Variants in ELF2 observed in about 807,000 individuals in gnomAD.
The protein encoded by ELF2 is E74 like ETS transcription factor 2, also known as ETS-related transcription factor Elf-2.
Under a neutral mutation model 54.8 loss-of-function variants are expected in ELF2, and 11 were observed. The ratio of observed to expected loss-of-function variants is 0.20; its 90% confidence interval spans 0.13 to 0.33. The LOEUF (loss-of-function observed/expected upper bound fraction) is 0.33. Among genes scored for constraint, ELF2 ranks in the 10% least tolerant of loss-of-function variants. ELF2 has a pLI of 1.00. For synonymous variants in ELF2, 203 were observed against 245.1 expected (o/e 0.83, Z 1.61); for missense variants, 513 against 703.0 (o/e 0.73, Z 3.06).
intron 4 of ELF2, among the ~76,000 whole-genome samples, chr4:139,077,258 T>C (rs1730437960): frequency 6.6e-6 from 1 of 152,210 alleles, no homozygotes; most frequent in South Asian, 2.1e-4. Context: ...CAAAATGCTT[T>C]AATGAGCACT....
chr4:139,167,395 T>C (rs2148911131), intron 1 of ELF2, among the ~76,000 whole-genome samples: 1 of 152,330 alleles, frequency 6.6e-6, no homozygotes, highest in East Asian at 1.9e-4. Context: ...TCTTGAAGGG[T>C]TTATAAATCT....
chr4:139,141,301 G>A (rs544409273), intron 1 of ELF2, among the ~76,000 whole-genome samples: 1 of 152,212 alleles, frequency 6.6e-6, no homozygotes, highest in South Asian at 2.1e-4. Context: ...TGTTACGTAG[G>A]GACATAGGAA....
intron 4 of ELF2, among the ~76,000 whole-genome samples, chr4:139,124,050 T>C (rs1736663811): frequency 6.9e-6 from 1 of 144,270 alleles, no homozygotes; most frequent in East Asian, 2.1e-4. Flanking sequence ...TGGTTTTTTG[T>C]TTATTTGTTT....
chr4:139,118,158 AG>A (rs1735946999), intron 4 of ELF2, among the ~76,000 whole-genome samples: 1 of 152,182 alleles, frequency 6.6e-6, no homozygotes, highest in Admixed American at 6.6e-5. Context: ...AAAAGAAAAA[AG>A]TATGGTCTCC....
Position 139,125,230 on chromosome 4 carries a change from C to G in ELF2, c.172G>C (p.Asp58His). The change falls in exon 4 of 10, where the codon GAT becomes CAT. Residue 58 changes from aspartate to histidine, a missense_variant. By Grantham distance (81) the Asp-to-His change is moderately conservative. Coordinates refer to ENST00000686138, the MANE Select transcript of ELF2 (RefSeq NM_001331036.3). ...GYAAQVLVYD[D>H]ETYMMQDVAE... ...ACATCTTGCATCATATAAGTCTCAT[C>G]ATCATAAACCAGAACCTGGGCTGCA... The G allele has an allele frequency of 4.3e-6, 7 of 1,613,948 alleles. No homozygotes were observed. Among genetic ancestry groups the G allele is most frequent in the Non-Finnish European group, 5.9e-6 (7 of 1,179,946 alleles).
chr4:139,140,753 C>CAA (rs562017566), intron 1 of ELF2, among the ~76,000 whole-genome samples: 2 of 118,408 alleles, frequency 1.7e-5, no homozygotes, highest in Admixed American at 8.8e-5. Context: ...GACCCTGTCT[C>CAA]AAAAAAAAAA....
chr4:139,084,029 C>T (rs1371852156), intron 4 of ELF2: 26 of 1,576,432 alleles, frequency 1.6e-5, no homozygotes, highest in Non-Finnish European at 2.2e-5. Context: ...GTGAGGTGGA[C>T]ACTGTACCCC....
Position 139,079,979 on chromosome 4 carries a change from T to C in ELF2, c.239-6412A>G, listed in dbSNP as rs60693033. Among the ~76,000 whole-genome samples the C allele has an allele frequency of 2.8e-3, 420 of 152,342 alleles. 2 individuals are homozygous for C. The highest frequency in any genetic ancestry group is 9.6e-3 in the African/African-American group (399 of 41,588). On this transcript the variant is annotated intron_variant, in intron 4 of 9. Transcript: ENST00000686138. ...AAAACAGTATTTGTCTACTCACAGA[T>C]AAATGGTTTTTAAAAAGCTCTTCTT...
chr4:139,163,717 C>T (rs1331597687), intron 1 of ELF2, among the ~76,000 whole-genome samples: 2 of 152,016 alleles, frequency 1.3e-5, no homozygotes, highest in Non-Finnish European at 2.9e-5. Context: ...AGTTCAAGAC[C>T]AGCCTGTTCA....
intron 4 of ELF2, among the ~76,000 whole-genome samples, chr4:139,082,705 G>A (rs886959526): frequency 2.6e-5 from 4 of 152,186 alleles, no homozygotes; most frequent in South Asian, 2.1e-4. Flanking sequence ...ATGGAAGACT[G>A]TTAAGATCTT....
chr4:139,134,552 GTTTTATTTTATGTTA>G lies in ELF2; in HGVS notation c.72+3063_72+3077del, dbSNP rs1160053050. Reference sequence around the variant, plus strand: ...TTATTGTATTGTATTGTATTGTATTGTTTTATTTTATGTTATTTTATTTTATGTTATATTTATTTT... The same window carrying G: ...TTATTGTATTGTATTGTATTGTATTGTTTTATTTTATGTTATATTTATTTT... On this transcript the variant is annotated intron_variant, in intron 3 of 9. Transcript: ENST00000686138. Among the ~76,000 whole-genome samples, 6 of 148,836 alleles carry G rather than the reference GTTTTATTTTATGTTA, an allele frequency of 4.0e-5. No homozygotes were observed. The East Asian group carries it at 6.0e-4, about 15-fold the overall frequency.
At chr4:139,176,560 A>T (rs2148927221) in intron 1 of ELF2, among the ~76,000 whole-genome samples, 1 of 151,778 alleles carries the variant, frequency 6.6e-6, no homozygotes, top group South Asian at 2.1e-4. Flanking sequence ...TCCCCGCGGG[A>T]TGAGGCGGGT....
intron 4 of ELF2, among the ~76,000 whole-genome samples, chr4:139,081,768 C>T (rs1360858936): frequency 6.6e-6 from 1 of 152,200 alleles, no homozygotes; most frequent in African/African-American, 2.4e-5. Context: ...TAACTTTTAA[C>T]ACACTGAATA....
At chr4:139,074,878 T>G (rs1490739022) in intron 4 of ELF2, among the ~76,000 whole-genome samples, 1 of 152,172 alleles carries the variant, frequency 6.6e-6, no homozygotes, top group African/African-American at 2.4e-5. Flanking sequence ...GACTGAGCAT[T>G]CTAGGATTTT....
chr4:139,126,833 AAG>A (rs980922762), intron 3 of ELF2, among the ~76,000 whole-genome samples: 23 of 152,212 alleles, frequency 1.5e-4, no homozygotes, highest in African/African-American at 5.3e-4. Context: ...TCCCATCAAT[AAG>A]AGAGAGTGAA....
intron 7 of ELF2, 118 bp downstream of exon 7, chr4:139,067,566 T>G: frequency 9.8e-7 from 1 of 1,019,342 alleles, no homozygotes; most frequent in Non-Finnish European, 1.5e-6. Flanking sequence ...TAAGAACTAT[T>G]ACCAGCGACA....
chr4:139,121,522 T>C (rs1736349669), intron 4 of ELF2, among the ~76,000 whole-genome samples: 1 of 151,690 alleles, frequency 6.6e-6, no homozygotes, highest in Non-Finnish European at 1.5e-5. Context: ...ATATTATATA[T>C]AATTTTTATA....
At chr4:139,097,061 T>C (rs10022019) in intron 4 of ELF2, among the ~76,000 whole-genome samples, 45,090 of 152,140 alleles carry the variant, frequency 0.3, 6,856 homozygotes, top group Middle Eastern at 0.35. Context: ...TATATTAACA[T>C]GTAGATTTAG....
intron 1 of ELF2, among the ~76,000 whole-genome samples, chr4:139,166,598 G>A (rs1330758909): frequency 1.3e-5 from 2 of 152,172 alleles, no homozygotes; most frequent in Admixed American, 6.5e-5. Flanking sequence ...GCCGGGCACG[G>A]TGGCTCACGC....
Sources: allele counts gnomAD v4.1 joint callset (sites outside exome capture counted in the v4.1 genomes callset), GRCh38; gene constraint gnomAD v4.1.1; transcripts MANE v1.5; gene names NCBI Gene and HGNC (gene_info 2026-07-23, HGNC 2026-07-21).